Variants in UGT1A6 observed in about 807,000 individuals in gnomAD.
UGT1A6 encodes the protein UDP glucuronosyltransferase family 1 member A6.
A neutral mutation model predicts 44.4 loss-of-function variants in UGT1A6; 32 were observed. The observed-to-expected ratio is 0.72, with a 90% CI of 0.54 to 0.97. The LOEUF is 0.97. Ranked by LOEUF, UGT1A6 falls within the 50% of genes least tolerant of loss-of-function variation. UGT1A6 has a pLI of 0.00. For synonymous variants in UGT1A6, 238 were observed against 248.5 expected (o/e 0.96, Z 0.40); for missense variants, 685 against 661.9 (o/e 1.03, Z -0.38).
intron 1 of UGT1A6, among the ~76,000 whole-genome samples, chr2:233,694,759 A>G (rs2075239293): frequency 1.3e-5 from 2 of 152,178 alleles, no homozygotes; most frequent in African/African-American, 4.8e-5. Context: ...AGCCACTGTG[A>G]AAAGGCAAGG....
intron 1 of UGT1A6, among the ~76,000 whole-genome samples, chr2:233,730,227 G>T (rs1389808961): frequency 2.0e-5 from 3 of 152,112 alleles, no homozygotes; most frequent in East Asian, 3.9e-4. Context: ...TTTGTAAAAG[G>T]ATGGACAAGG....
intron 1 of UGT1A6, chr2:233,754,506 C>A: frequency 2.8e-6 from 1 of 356,440 alleles, no homozygotes; most frequent in South Asian, 2.1e-5. Flanking sequence ...GTCCGCTATT[C>A]CTCCAGATGT....
chr2:233,708,078 C>T (rs2076003299), intron 1 of UGT1A6, among the ~76,000 whole-genome samples: 1 of 152,190 alleles, frequency 6.6e-6, no homozygotes, highest in South Asian at 2.1e-4. Flanking sequence ...TTGCTTTTTA[C>T]TTTTATTCAA....
At chr2:233,719,649 G>A in intron 1 of UGT1A6, 1 of 1,614,068 alleles carries the variant, frequency 6.2e-7, no homozygotes, top group South Asian at 1.1e-5. Context: ...GGTCTTCATT[G>A]GGGGCATCAA....
intron 1 of UGT1A6, chr2:233,760,931 T>C (rs1360622092): frequency 4.3e-6 from 7 of 1,614,090 alleles, no homozygotes; most frequent in South Asian, 2.2e-5. Flanking sequence ...AACATGCTCA[T>C]TGCCTTTTCA....
At chr2:233,712,005 A>G (rs770436116) in intron 1 of UGT1A6, among the ~76,000 whole-genome samples, 1 of 152,208 alleles carries the variant, frequency 6.6e-6, no homozygotes, top group Non-Finnish European at 1.5e-5. Context: ...TTCTGGAGGA[A>G]CCATTCTTAT....
intron 1 of UGT1A6, among the ~76,000 whole-genome samples, chr2:233,724,345 CCCCACCT>C (rs1279096074): frequency 6.8e-6 from 1 of 147,952 alleles, no homozygotes; most frequent in African/African-American, 2.5e-5. Context: ...GGCTGACCCC[CCCCACCT>C]CCCTCCCGGA....
intron 1 of UGT1A6, among the ~76,000 whole-genome samples, chr2:233,709,220 T>C (rs199860266): frequency 1.3e-5 from 2 of 152,108 alleles, no homozygotes; most frequent in African/African-American, 4.8e-5. Context: ...ATTTGAGAGT[T>C]TGGGGGAGGG....
Position 233,769,718 on chromosome 2 carries a change from C to A in UGT1A6, c.1301+1279C>A. On this transcript the variant is annotated intron_variant, in intron 4 of 4. Coordinates refer to ENST00000305139, the MANE Select transcript of UGT1A6 (RefSeq NM_001072.4). The surrounding 1 kb of genome is among the most constrained non-coding windows in gnomAD (Gnocchi z 4.4). Reference sequence around the variant, plus strand: ...TAAAAGATCAATGTTGGCTAGGCACCATGGCACACGCCTGTAGTCCCAGCC... The same window carrying A: ...TAAAAGATCAATGTTGGCTAGGCACAATGGCACACGCCTGTAGTCCCAGCC... 6.7e-7 allele frequency: 1 copy of A among 1,492,462 alleles called. No individual in the cohort carries two copies. Among genetic ancestry groups the A allele is most frequent in the Non-Finnish European group, 8.9e-7 (1 of 1,119,524 alleles). The allele number at this position is 1,492,462 out of a possible 1,614,324, so 92.5% of individuals were successfully genotyped here.
At chr2:233,721,966 T>C (rs1022053343) in intron 1 of UGT1A6, 4 of 298,750 alleles carry the variant, frequency 1.3e-5, no homozygotes, top group Admixed American at 7.9e-5. Flanking sequence ...TATGCATACA[T>C]TGATGGCCTG....
chr2:233,722,439 G>C (rs1180645142), intron 1 of UGT1A6, among the ~76,000 whole-genome samples: 1 of 152,066 alleles, frequency 6.6e-6, no homozygotes, highest in African/African-American at 2.4e-5. Context: ...TTATTTGATT[G>C]GTCTTCTCAA....
rs144094855 is a variant in UGT1A6 at position 233,720,325 on chromosome 2, G to A, written c.861+26460G>A. On this transcript the variant is annotated intron_variant, in intron 1 of 4. Coordinates refer to ENST00000305139, the MANE Select transcript of UGT1A6 (RefSeq NM_001072.4). ...GTCTGGTGTATGATGTGGGGACATC[G>A]TAGAGTTTGGAAGGTATGGTGATGG... Among the ~76,000 whole-genome samples the A allele has an allele frequency of 7.7e-4, 117 of 152,214 alleles. 2 individuals are homozygous for A. The highest frequency in any genetic ancestry group is 2.4e-3 in the African/African-American group (101 of 41,542).
chr2:233,741,629 C>T (rs1691726139), intron 1 of UGT1A6: 1 of 151,834 alleles, frequency 6.6e-6, no homozygotes, highest in Non-Finnish European at 1.5e-5. Context: ...CCCATGAGCC[C>T]CTGTGGGATG....
chr2:233,772,177 GTCT>G, intron 4 of UGT1A6, 82 bp from the exon 5 acceptor site: 1 of 1,583,018 alleles, frequency 6.3e-7, no homozygotes. Flanking sequence ...AAATCTGGTA[GTCT>G]TCTTAAGCAG....
In UGT1A6 at chr2:233,755,218, C is replaced by T. The variant is rs1203897935; in HGVS notation, c.862-11816C>T. 1.4e-5 allele frequency: 14 copies of T among 1,027,208 alleles called. No individual in the cohort carries two copies. In the South Asian group the frequency reaches 1.5e-4, roughly 11 times the overall value. 63.6% of individuals were successfully genotyped at this position (1,027,208 alleles called of 1,614,324 possible). ...AGCTTGCGGTACGCCTTCTTGATACCCTCGGACGAGGCCTACCGGGGTACT... is the reference window on the plus strand; with the variant it reads ...AGCTTGCGGTACGCCTTCTTGATACTCTCGGACGAGGCCTACCGGGGTACT... On this transcript the variant is annotated intron_variant, in intron 1 of 4. Transcript: ENST00000305139.
chr2:233,699,035 A>G (rs2075478622), intron 1 of UGT1A6, among the ~76,000 whole-genome samples: 1 of 152,230 alleles, frequency 6.6e-6, no homozygotes, highest in Non-Finnish European at 1.5e-5. Context: ...AGGCAGTCCC[A>G]GATGTCCTGA....
At chr2:233,756,158 TC>T (rs1469435732) in intron 1 of UGT1A6, 1 of 152,264 alleles carries the variant, frequency 6.6e-6, no homozygotes, top group Non-Finnish European at 1.5e-5. Flanking sequence ...CCCTAGGATT[TC>T]CTGGCTCATA....
At position 233,693,679 on chromosome 2, in the gene UGT1A6, G is replaced by T. The variant is rs750041304; in HGVS notation, c.675G>T (p.Leu225=). 6.2e-7 allele frequency: 1 copy of T among 1,614,172 alleles called. No individual in the cohort carries two copies. Among genetic ancestry groups the T allele is most frequent in the East Asian group, 2.2e-5 (1 of 44,888 alleles). The change falls in exon 1 of 5, where the codon CTG becomes CTT. Residue 225 remains leucine, a synonymous_variant. Transcript: ENST00000305139. ...TGGAGCCCTATCTATTTTATTGTCT[G>T]TTTTCAAAGTATGAAGAACTCGCAT... is the stretch of plus-strand genomic sequence containing the variant. ...NLLEPYLFYC[L]FSKYEELASA...
chr2:233,769,533 A>G lies in UGT1A6; in HGVS notation c.1301+1094A>G. The G allele has an allele frequency of 6.2e-7, 1 of 1,612,916 alleles. No homozygotes were observed. The highest frequency in any genetic ancestry group is 8.5e-7 in the Non-Finnish European group (1 of 1,179,872). On this transcript the variant is annotated intron_variant, in intron 4 of 4. Transcript: ENST00000305139. The surrounding 1 kb of genome is among the most constrained non-coding windows in gnomAD (Gnocchi z 4.4). Reference sequence around the variant, plus strand: ...TCTCCCATGGTTACCTCCTTTAGAAAGAAGCAGCAGTCAGGAAGACAGATG... The same window carrying G: ...TCTCCCATGGTTACCTCCTTTAGAAGGAAGCAGCAGTCAGGAAGACAGATG...
Sources: gnomAD v4.1 joint callset for allele counts (sites outside exome capture counted in the v4.1 genomes callset) on GRCh38, gnomAD v4.1.1 for gene constraint, Gnocchi (gnomAD v3.1) non-coding constraint, MANE v1.5 for transcripts, NCBI Gene and HGNC (gene_info 2026-07-23, HGNC 2026-07-21) for gene names.